Variants in PROS1 observed in about 807,000 individuals in gnomAD.
PROS1 encodes the protein protein S, also known as vitamin K-dependent protein S.
Under a neutral mutation model 75.9 loss-of-function variants are expected in PROS1, and 29 were observed. That is an observed-to-expected ratio of 0.38 (90% CI 0.28 to 0.52). The LOEUF (loss-of-function observed/expected upper bound fraction) is 0.52. PROS1 is among the 20% of genes least tolerant of loss of function. The pLI, the probability that PROS1 is intolerant of heterozygous loss-of-function variation, is 0.83. For missense variants in PROS1, 680 were observed against 810.3 expected (o/e 0.84, Z 1.95); for synonymous variants, 245 against 280.6 (o/e 0.87, Z 1.27).
At chr3:93,973,169 C>A (rs899005330) in intron 1 of PROS1, among the ~76,000 whole-genome samples, 1 of 152,140 alleles carries the variant, frequency 6.6e-6, no homozygotes, top group African/African-American at 2.4e-5. Context: ...TACTGCTATA[C>A]AAACCCTCAG....
intron 12 of PROS1, 132 bp from the exon 13 acceptor site, chr3:93,879,446 GA>G: frequency 7.8e-7 from 1 of 1,289,336 alleles, no homozygotes; most frequent in Admixed American, 1.8e-5. Context: ...CTTTCTCAAT[GA>G]TCTATATAAC....
At chr3:93,931,628 T>A (rs560733368) in intron 1 of PROS1, among the ~76,000 whole-genome samples, 1 of 152,336 alleles carries the variant, frequency 6.6e-6, no homozygotes, top group South Asian at 2.1e-4. Flanking sequence ...GCTTTCACAC[T>A]GACTGCTTGA....
At chr3:93,909,814 GT>G (rs8178625) in intron 4 of PROS1, among the ~76,000 whole-genome samples, 2 of 151,666 alleles carry the variant, frequency 1.3e-5, no homozygotes, top group East Asian at 1.9e-4. Flanking sequence ...TCATAGGATC[GT>G]TTTTTTTGAA....
chr3:93,876,694 T>C (rs1201663367), intron 14 of PROS1, among the ~76,000 whole-genome samples: 9 of 150,202 alleles, frequency 6.0e-5, no homozygotes, highest in Non-Finnish European at 1.3e-4. Flanking sequence ...CTTATAAGAC[T>C]ATTGTGATGA....
chr3:93,960,478 G>C (rs369604284), intron 1 of PROS1, among the ~76,000 whole-genome samples: 6 of 144,180 alleles, frequency 4.2e-5, no homozygotes, highest in African/African-American at 7.8e-5. Flanking sequence ...GTCTGGCTGC[G>C]TTTGTCACTT....
At chr3:93,947,537 G>T (rs950629172) in intron 1 of PROS1, among the ~76,000 whole-genome samples, 5 of 152,030 alleles carry the variant, frequency 3.3e-5, no homozygotes, top group African/African-American at 1.2e-4. Context: ...TTAAAGTTTG[G>T]GAGAAAGCCG....
intron 1 of PROS1, among the ~76,000 whole-genome samples, chr3:93,946,989 T>C (rs543464912): frequency 5.9e-5 from 9 of 152,226 alleles, no homozygotes; most frequent in East Asian, 5.8e-4. Flanking sequence ...CAAACAGCTC[T>C]ATCAAAAAGT....
intron 10 of PROS1, among the ~76,000 whole-genome samples, chr3:93,892,624 C>CAA (rs879821259): frequency 1.1e-4 from 14 of 123,796 alleles, no homozygotes; most frequent in African/African-American, 3.6e-4. Context: ...AACTCTGTCT[C>CAA]AAAAAAAAAA....
chr3:93,912,729 G>C (rs950078120), intron 3 of PROS1, among the ~76,000 whole-genome samples: 1 of 152,136 alleles, frequency 6.6e-6, no homozygotes, highest in African/African-American at 2.4e-5. Flanking sequence ...TCCCACAGCA[G>C]ATGGCAAAAG....
chr3:93,879,294 C>T lies in PROS1; in HGVS notation c.1513G>A (p.Gly505Ser), dbSNP rs185502739. 39 of 1,613,956 alleles carry T rather than the reference C, an allele frequency of 2.4e-5. No homozygotes were observed. The South Asian group carries it at 3.4e-4, about 14-fold the overall frequency. ...IDYNNVSSAE[G>S]WHVNVTLNIR... ...TTCAAGGTCACATTTACATGCCAAC[C>T]CTCAGCACTGGATACATTATCTATT... is the stretch of plus-strand genomic sequence containing the variant. Residue 505 changes from glycine (G) to serine (S), a missense_variant, in exon 13 of 15, where the codon GGT becomes AGT. Coordinates refer to ENST00000394236, the MANE Select transcript of PROS1 (RefSeq NM_000313.4).
chr3:93,932,450 G>T (rs1709119688), intron 1 of PROS1, among the ~76,000 whole-genome samples: 1 of 152,156 alleles, frequency 6.6e-6, no homozygotes, highest in African/African-American at 2.4e-5. Flanking sequence ...CAACTATGTT[G>T]CTTGAAAAGT....
chr3:93,873,145 A>G lies in PROS1; in HGVS notation c.*1100T>C, dbSNP rs1708131586. ...TACACCGATTTATTATAAGTGATAT[A>G]AAATACAGTGAAAAGAATTTATTGT... On this transcript the variant is annotated 3_prime_UTR_variant, in exon 15 of 15. Transcript: ENST00000394236. 1 of 152,234 alleles carries G rather than the reference A, an allele frequency of 6.6e-6. No homozygotes were observed. Among genetic ancestry groups the G allele is most frequent in the African/African-American group, 2.4e-5 (1 of 41,474 alleles). The allele number at this position is 152,234 out of a possible 1,614,324, so 9.4% of individuals were successfully genotyped here.
At chr3:93,954,544 T>A (rs1174451984) in intron 1 of PROS1, among the ~76,000 whole-genome samples, 2 of 152,166 alleles carry the variant, frequency 1.3e-5, no homozygotes, top group African/African-American at 4.8e-5. Flanking sequence ...TGAAACTGGA[T>A]CCCTTCCTTA....
intron 1 of PROS1, among the ~76,000 whole-genome samples, chr3:93,957,427 T>G (rs1242145903): frequency 6.6e-6 from 1 of 152,198 alleles, no homozygotes; most frequent in Non-Finnish European, 1.5e-5. Flanking sequence ...TGAATAGTTT[T>G]AAAATATTAG....
At chr3:93,898,279 T>C (rs1057455164) in intron 8 of PROS1, among the ~76,000 whole-genome samples, 169 bp downstream of exon 8, 2 of 152,106 alleles carry the variant, frequency 1.3e-5, no homozygotes, top group African/African-American at 4.8e-5. Flanking sequence ...CCAATGTTTA[T>C]GACTTACATG....
At chr3:93,955,824 C>A (rs1033274721) in intron 1 of PROS1, among the ~76,000 whole-genome samples, 1 of 151,890 alleles carries the variant, frequency 6.6e-6, no homozygotes, top group Non-Finnish European at 1.5e-5. Flanking sequence ...GAAAGATAAT[C>A]ATCTAGTCTG....
At chr3:93,927,487 A>G (rs1193353525) in intron 1 of PROS1, 80 bp from the exon 2 acceptor site, 3 of 1,437,600 alleles carry the variant, frequency 2.1e-6, no homozygotes, top group East Asian at 5.0e-5. Flanking sequence ...TAAGAGTTAA[A>G]ATCATTTTCT....
intron 1 of PROS1, among the ~76,000 whole-genome samples, chr3:93,936,775 G>A (rs918603834): frequency 1.3e-5 from 2 of 152,220 alleles, no homozygotes; most frequent in Non-Finnish European, 2.9e-5. Flanking sequence ...TAGCTGCTCT[G>A]TAAAGGCATA....
At chr3:93,958,128 T>C (rs1415105822) in intron 1 of PROS1, among the ~76,000 whole-genome samples, 1 of 151,888 alleles carries the variant, frequency 6.6e-6, no homozygotes, top group East Asian at 1.9e-4. Flanking sequence ...ATAAAAATAT[T>C]GAATTATCAC....
Sources: allele counts gnomAD v4.1 joint callset (sites outside exome capture counted in the v4.1 genomes callset), GRCh38; gene constraint gnomAD v4.1.1; transcripts MANE v1.5; gene names NCBI Gene and HGNC (gene_info 2026-07-23, HGNC 2026-07-21).